PEX14: variants seen among roughly 807,000 people sequenced by gnomAD.
PEX14 encodes the protein peroxisomal membrane protein PEX14.
In PEX14, 15 loss-of-function variants were observed where a neutral mutation model predicts 49.5. The ratio of observed to expected loss-of-function variants is 0.30; its 90% CI spans 0.20 to 0.47. The LOEUF is 0.47. PEX14 is among the 20% of genes least tolerant of loss of function. PEX14 has a pLI of 1.00. For synonymous variants in PEX14, 210 were observed against 212.7 expected (o/e 0.99, Z 0.11); for missense variants, 398 against 494.8 (o/e 0.80, Z 1.86).
At chr1:10,550,222 G>A (rs1163889356) in intron 3 of PEX14, among the ~76,000 whole-genome samples, 1 of 152,218 alleles carries the variant, frequency 6.6e-6, no homozygotes, top group Non-Finnish European at 1.5e-5. Context: ...TGTGAAGAAT[G>A]AGAATCCCGG....
intron 1 of PEX14, among the ~76,000 whole-genome samples, chr1:10,491,294 C>T (rs550901949): frequency 6.6e-6 from 1 of 152,094 alleles, no homozygotes; most frequent in Non-Finnish European, 1.5e-5. Flanking sequence ...CAGCTTCATA[C>T]TGGGACTGTG....
At chr1:10,616,442 C>G (rs1008076637) in intron 4 of PEX14, among the ~76,000 whole-genome samples, 2 of 152,320 alleles carry the variant, frequency 1.3e-5, no homozygotes, top group Admixed American at 1.3e-4. Flanking sequence ...CGTGTTGTGA[C>G]GTTCCTTCCC....
intron 2 of PEX14, among the ~76,000 whole-genome samples, chr1:10,532,902 G>A (rs1638690763): frequency 1.3e-5 from 2 of 152,250 alleles, no homozygotes; most frequent in South Asian, 4.1e-4. Context: ...TGGGTGAAAG[G>A]CACAAACCGA....
chr1:10,504,118 T>C (rs1269254315), intron 2 of PEX14, among the ~76,000 whole-genome samples: 1 of 152,242 alleles, frequency 6.6e-6, no homozygotes, highest in African/African-American at 2.4e-5. Context: ...AAATATGATC[T>C]TGTAGTTAGT....
chr1:10,623,151 C>A lies in PEX14; in HGVS notation c.487+30C>A, dbSNP rs1641644461. The A allele has an allele frequency of 2.1e-6, 3 of 1,457,078 alleles. No homozygotes were observed. The highest frequency in any genetic ancestry group is 1.4e-5 in the African/African-American group (1 of 71,784). 90.3% of individuals were successfully genotyped at this position (1,457,078 alleles called of 1,614,324 possible). On this transcript the variant is annotated intron_variant, in intron 6 of 8. Coordinates refer to ENST00000356607, the MANE Select transcript of PEX14 (RefSeq NM_004565.3). The surrounding 1 kb of genome is among the most constrained non-coding windows in gnomAD (Gnocchi z 4.4). ...AGATTAATGACTCCATCAAGTCACCCCTCACAGCCTTCTCCAAGCAGCCCC... is the reference window on the plus strand; with the variant it reads ...AGATTAATGACTCCATCAAGTCACCACTCACAGCCTTCTCCAAGCAGCCCC...
chr1:10,477,441 C>T (rs532422477), intron 1 of PEX14, among the ~76,000 whole-genome samples: 1 of 152,284 alleles, frequency 6.6e-6, no homozygotes, highest in African/African-American at 2.4e-5. Flanking sequence ...TTGAATGAAC[C>T]AATGCTCTTC....
chr1:10,610,368 T>TACACAC (rs777667797), intron 4 of PEX14, among the ~76,000 whole-genome samples: 6 of 70,238 alleles, frequency 8.5e-5, no homozygotes, highest in Non-Finnish European at 2.1e-4. Context: ...TATATATATA[T>TACACAC]ATATACACAC....
At position 10,615,811 on chromosome 1, in the gene PEX14, A is replaced by G. The variant is rs190903987; in HGVS notation, c.299-2521A>G. The stretch of plus-strand genomic sequence containing the variant: ...AGAAAACAAGATTGAGAGATGGGGA[A>G]ACGTGAAGGAAGAGAAGACATCCTG... On this transcript the variant is annotated intron_variant, in intron 4 of 8. Coordinates refer to ENST00000356607, the MANE Select transcript of PEX14 (RefSeq NM_004565.3). Among the ~76,000 whole-genome samples, 55 of 152,322 alleles carry G rather than the reference A, an allele frequency of 3.6e-4. 1 individual carries two copies. The East Asian group carries it at 0.01, about 28-fold the overall frequency.
intron 4 of PEX14, among the ~76,000 whole-genome samples, chr1:10,600,303 C>T (rs1640945959): frequency 6.6e-6 from 1 of 151,974 alleles, no homozygotes; most frequent in Admixed American, 6.6e-5. Context: ...CGCCTGTAAT[C>T]CCTGCTACTC....
chr1:10,557,566 A>G (rs1357468181), intron 3 of PEX14, among the ~76,000 whole-genome samples: 1 of 152,252 alleles, frequency 6.6e-6, no homozygotes, highest in East Asian at 1.9e-4. Flanking sequence ...AGGCTGGGCA[A>G]CAGAGTGAGA....
intron 4 of PEX14, among the ~76,000 whole-genome samples, chr1:10,605,572 C>G (rs1641102167): frequency 6.6e-6 from 1 of 152,226 alleles, no homozygotes; most frequent in South Asian, 2.1e-4. Context: ...GGAGAGGGAA[C>G]AGCAAAGGCC....
rs745900242 is a variant in PEX14 at position 10,535,983 on chromosome 1, C to T, written c.85-230C>T. ...GAAGGATCGTCGCAGGCCTGAAGCT[C>T]GGCAGAGGGATTAGATTTGACAGAC... On this transcript the variant is annotated intron_variant, in intron 2 of 8. Transcript: ENST00000356607. 68 of 512,674 alleles carry T rather than the reference C, an allele frequency of 1.3e-4. 1 individual carries two copies. The highest frequency in any genetic ancestry group is 4.7e-4 in the Admixed American group (16 of 34,074). The allele number at this position is 512,674 out of a possible 1,614,324, so 31.8% of individuals were successfully genotyped here.
intron 3 of PEX14, among the ~76,000 whole-genome samples, chr1:10,598,907 A>G (rs911708549): frequency 3.3e-5 from 5 of 152,082 alleles, no homozygotes; most frequent in African/African-American, 1.2e-4. Context: ...TTACAGATTA[A>G]AATGAGCCAC....
intron 2 of PEX14, 42 bp from the exon 3 acceptor site, chr1:10,536,171 A>G (rs1638795915): frequency 1.7e-6 from 2 of 1,148,630 alleles, no homozygotes; most frequent in Non-Finnish European, 2.7e-6. Flanking sequence ...AATTCAGACT[A>G]TTGAAGTGAA....
chr1:10,529,455 G>T lies in PEX14; in HGVS notation c.85-6758G>T, dbSNP rs963800641. 6.6e-6 allele frequency among the ~76,000 whole-genome samples: 1 copy of T among 152,240 alleles called. No homozygotes were observed. Among genetic ancestry groups the T allele is most frequent in the Non-Finnish European group, 1.5e-5 (1 of 68,042 alleles). ...GTCCCTTGACATTAAATAGTGCGTG[G>T]TGGTTTAAGATGCTTTTTATTTCAA... is the stretch of plus-strand genomic sequence containing the variant. On this transcript the variant is annotated intron_variant, in intron 2 of 8. Transcript: ENST00000356607. This position sits in a 1 kb window ranked among gnomAD's most constrained non-coding sequence, Gnocchi z 4.2.
At chr1:10,547,247 A>G (rs959779794) in intron 3 of PEX14, among the ~76,000 whole-genome samples, 1 of 152,248 alleles carries the variant, frequency 6.6e-6, no homozygotes, top group African/African-American at 2.4e-5. Context: ...GGACATTACA[A>G]TAGGAAACCT....
chr1:10,601,016 C>T (rs1046413178), intron 4 of PEX14, among the ~76,000 whole-genome samples: 2 of 152,098 alleles, frequency 1.3e-5, no homozygotes, highest in Non-Finnish European at 2.9e-5. Context: ...AATCCCAGCA[C>T]TTTGGGAGGC....
At chr1:10,480,829 CTCTCTCTCTCTT>C (rs996754604) in intron 1 of PEX14, among the ~76,000 whole-genome samples, 16 of 146,936 alleles carry the variant, frequency 1.1e-4, no homozygotes, top group African/African-American at 4.2e-4. Flanking sequence ...TTATGTCAGT[CTCTCTCTCTCTT>C]TCTCTCTCTC....
chr1:10,531,970 C>T (rs768354143), intron 2 of PEX14, among the ~76,000 whole-genome samples: 4 of 152,174 alleles, frequency 2.6e-5, no homozygotes, highest in Non-Finnish European at 5.9e-5. Flanking sequence ...TTGGTGAGGA[C>T]TGTCAGGAAC....
Sources: allele counts gnomAD v4.1 joint callset (sites outside exome capture counted in the v4.1 genomes callset), GRCh38; gene constraint gnomAD v4.1.1; non-coding constraint Gnocchi (gnomAD v3.1); transcripts MANE v1.5; gene names NCBI Gene and HGNC (gene_info 2026-07-23, HGNC 2026-07-21).